The following TMTC2 variants were observed in gnomAD, a reference collection of about 807,000 sequenced individuals.
The protein encoded by TMTC2 is protein O-mannosyl-transferase TMTC2.
Under a neutral mutation model 82.4 loss-of-function variants are expected in TMTC2, and 43 were observed. That is an observed-to-expected ratio of 0.52 (90% confidence interval 0.41 to 0.67). The LOEUF (loss-of-function observed/expected upper bound fraction) is 0.67. Ranked by LOEUF, TMTC2 falls within the 30% of genes least tolerant of loss-of-function variation. The pLI is 0.00. For synonymous variants in TMTC2, 408 were observed against 381.9 expected, an observed-to-expected ratio of 1.07 and a Z score of -0.80; for missense variants, 919 against 1,012.4, an observed-to-expected ratio of 0.91 and a Z score of 1.25.
At chr12:82,758,983 A>G (rs1876477211) in intron 1 of TMTC2, 1 of 152,206 alleles carries the variant, frequency 6.6e-6, no homozygotes, top group Non-Finnish European at 1.5e-5. Context: ...TGTACTGCAC[A>G]AGCTTCATAT....
chr12:83,081,514 A>G (rs561277269), intron 11 of TMTC2, among the ~76,000 whole-genome samples: 3 of 152,166 alleles, frequency 2.0e-5, no homozygotes, highest in Non-Finnish European at 4.4e-5. Flanking sequence ...GAGATGGGAG[A>G]ATGATCTGGA....
intron 1 of TMTC2, among the ~76,000 whole-genome samples, chr12:82,817,050 C>G (rs1379256048): frequency 6.6e-6 from 1 of 151,286 alleles, no homozygotes; most frequent in Non-Finnish European, 1.5e-5. Context: ...TCACTGTAAC[C>G]TCCGCCTCCT....
At chr12:82,769,299 C>T (rs11115390) in intron 1 of TMTC2, among the ~76,000 whole-genome samples, 24,861 of 151,320 alleles carry the variant, frequency 0.16, 2,556 homozygotes, top group African/African-American at 0.28. Flanking sequence ...ATAGTGAAAC[C>T]CCTGTCTCTA....
chr12:82,687,527 T>G lies in TMTC2; in HGVS notation c.-60T>G. 1.3e-6 allele frequency: 2 copies of G among 1,523,494 alleles called. No homozygotes were observed. The highest frequency in any genetic ancestry group is 8.9e-7 in the Non-Finnish European group (1 of 1,117,444). 94.4% of individuals were successfully genotyped at this position (1,523,494 alleles called of 1,614,324 possible). A position where few individuals can be genotyped will look rare whatever the true frequency, so the allele number is the denominator to read the frequency against. ...GGAAGGTGGAGATTGATGCTTCTGT[T>G]TTTTGTTGCCGCTGCTGCCCTCGCG... On this transcript the variant is annotated 5_prime_UTR_variant, in exon 1 of 12. Transcript: ENST00000321196.
At chr12:82,882,772 C>G (rs1872896276) in intron 2 of TMTC2, among the ~76,000 whole-genome samples, 1 of 152,000 alleles carries the variant, frequency 6.6e-6, no homozygotes, top group Non-Finnish European at 1.5e-5. Context: ...AAACTATAGT[C>G]TAGGGTGCGT....
intron 1 of TMTC2, among the ~76,000 whole-genome samples, chr12:82,789,736 A>T (rs751817804): frequency 4.6e-5 from 7 of 152,164 alleles, no homozygotes; most frequent in African/African-American, 7.2e-5. Context: ...CCCTCTTTGA[A>T]TGTAACCTTG....
chr12:83,068,651 A>G (rs979732230), intron 11 of TMTC2, among the ~76,000 whole-genome samples: 3 of 152,304 alleles, frequency 2.0e-5, no homozygotes, highest in Non-Finnish European at 4.4e-5. Context: ...CTGCACATAT[A>G]TATTTCACTT....
At chr12:82,860,713 T>G (rs978061398) in intron 2 of TMTC2, among the ~76,000 whole-genome samples, 3 of 152,238 alleles carry the variant, frequency 2.0e-5, no homozygotes, top group African/African-American at 7.2e-5. Context: ...TTCTTTATCT[T>G]TTGGCCTCTG....
At chr12:82,826,049 A>G (rs1013966571) in intron 1 of TMTC2, among the ~76,000 whole-genome samples, 3 of 152,246 alleles carry the variant, frequency 2.0e-5, no homozygotes, top group African/African-American at 7.2e-5. Flanking sequence ...CTAGACTTGG[A>G]TAAATTTATA....
At chr12:82,734,996 G>A (rs1206498935) in intron 1 of TMTC2, among the ~76,000 whole-genome samples, 1 of 152,168 alleles carries the variant, frequency 6.6e-6, no homozygotes, top group East Asian at 1.9e-4. Context: ...GGTATATTGG[G>A]AACAGTCTGA....
At chr12:83,001,609 T>C (rs1400286666) in intron 8 of TMTC2, among the ~76,000 whole-genome samples, 2 of 132,238 alleles carry the variant, frequency 1.5e-5, no homozygotes, top group Admixed American at 8.5e-5. Context: ...CACTCCAGCC[T>C]GGGCAAAAAG....
At position 82,710,803 on chromosome 12, in the gene TMTC2, A is replaced by G. The variant is rs1002399794; in HGVS notation, c.83+23134A>G. On this transcript the variant is annotated intron_variant, in intron 1 of 11. Transcript: ENST00000321196. ...GACTTGACTGAAGCTCAGTTTGCAC[A>G]TCTGTGAAGAGGACAGTAATTTCTG... Among the ~76,000 whole-genome samples the G allele has an allele frequency of 5.9e-5, 9 of 152,210 alleles. No individual in the cohort carries two copies. In the South Asian group the frequency reaches 8.3e-4, roughly 14 times the overall value.
chr12:83,064,665 G>A (rs1216795042), intron 11 of TMTC2, among the ~76,000 whole-genome samples: 1 of 151,740 alleles, frequency 6.6e-6, no homozygotes, highest in Non-Finnish European at 1.5e-5. Flanking sequence ...GTACTAACCA[G>A]CCCAACCCTG....
At chr12:82,921,237 A>G (rs1390710658) in intron 3 of TMTC2, among the ~76,000 whole-genome samples, 2 of 152,162 alleles carry the variant, frequency 1.3e-5, no homozygotes, top group Non-Finnish European at 2.9e-5. Flanking sequence ...CAATATTGAG[A>G]GGGTGAAATA....
chr12:83,019,170 A>C (rs1880806966), intron 8 of TMTC2, among the ~76,000 whole-genome samples: 1 of 147,702 alleles, frequency 6.8e-6, no homozygotes. Flanking sequence ...AAAAAAAAAA[A>C]CATACACATT....
intron 1 of TMTC2, among the ~76,000 whole-genome samples, chr12:82,738,600 G>A (rs1031477343): frequency 2.6e-5 from 4 of 152,120 alleles, no homozygotes; most frequent in Non-Finnish European, 5.9e-5. Context: ...AACAGGAAAT[G>A]TTCTCCTCTG....
At chr12:82,870,633 G>A (rs1469897627) in intron 2 of TMTC2, among the ~76,000 whole-genome samples, 1 of 152,148 alleles carries the variant, frequency 6.6e-6, no homozygotes, top group African/African-American at 2.4e-5. Context: ...CATTCATCCT[G>A]TTACTTGTAA....
intron 7 of TMTC2, among the ~76,000 whole-genome samples, chr12:82,976,033 C>T (rs1255717770): frequency 6.6e-6 from 1 of 151,988 alleles, no homozygotes; most frequent in African/African-American, 2.4e-5. Flanking sequence ...GGAAAAGATC[C>T]TCACCTGTCC....
At chr12:82,955,923 AT>A (rs918747744) in intron 4 of TMTC2, among the ~76,000 whole-genome samples, 11 of 151,260 alleles carry the variant, frequency 7.3e-5, no homozygotes, top group African/African-American at 2.2e-4. Context: ...GACTGGAAAT[AT>A]TTTTTTTTCA....
Sources: gnomAD v4.1 joint callset for allele counts (sites outside exome capture counted in the v4.1 genomes callset) on GRCh38, gnomAD v4.1.1 for gene constraint, MANE v1.5 for transcripts, NCBI Gene and HGNC (gene_info 2026-07-23, HGNC 2026-07-21) for gene names.